The following SH3BP4 variants were observed in gnomAD, a reference collection of about 807,000 sequenced individuals.
SH3BP4 encodes the protein SH3 domain-binding protein 4.
SH3BP4 carries 33 observed loss-of-function variants against 65.5 expected under a neutral mutation model. The ratio of observed to expected loss-of-function variants is 0.50; its 90% confidence interval spans 0.38 to 0.67. SH3BP4 has a LOEUF of 0.67. SH3BP4 is among the 30% of genes least tolerant of loss of function. SH3BP4 has a pLI of 0.00. For synonymous variants in SH3BP4, 552 were observed against 545.5 expected, an observed-to-expected ratio of 1.01 and a Z score of -0.17; for missense variants, 1,134 against 1,261.4, an observed-to-expected ratio of 0.90 and a Z score of 1.53.
chr2:234,983,150 G>A (rs1194444805), intron 1 of SH3BP4: 2 of 152,302 alleles, frequency 1.3e-5, no homozygotes, highest in Non-Finnish European at 2.9e-5. Flanking sequence ...CCTGCCCGCA[G>A]GCCATACAGG....
intron 2 of SH3BP4, among the ~76,000 whole-genome samples, chr2:235,006,919 C>T (rs1694314338): frequency 2.0e-5 from 3 of 152,058 alleles, no homozygotes; most frequent in Admixed American, 1.3e-4. Flanking sequence ...GGTGCCACGC[C>T]GCATCTGTGT....
chr2:235,005,880 C>G (rs1205019772), intron 2 of SH3BP4, among the ~76,000 whole-genome samples: 1 of 151,866 alleles, frequency 6.6e-6, no homozygotes, highest in African/African-American at 2.4e-5. Context: ...GGCAGGCTGG[C>G]TTGGTTGGGT....
At chr2:234,969,457 A>C (rs1692923171) in intron 1 of SH3BP4, among the ~76,000 whole-genome samples, 1 of 152,050 alleles carries the variant, frequency 6.6e-6, no homozygotes, top group Non-Finnish European at 1.5e-5. Flanking sequence ...CTGGGAGGCC[A>C]CCCTTGTTCC....
rs1044937029 is a variant in SH3BP4, at chr2:234,976,783, C to A, written c.-206-18520C>A. On this transcript the variant is annotated intron_variant, in intron 1 of 5. Transcript: ENST00000392011. The surrounding 1 kb of genome is among the most constrained non-coding windows in gnomAD (Gnocchi z 4.7). ...CAGCCGAGGGGCGTCTTACAGAATACCTAACCAGGCCTCCTCTACTGTCAA... is the reference window on the plus strand; with the variant it reads ...CAGCCGAGGGGCGTCTTACAGAATAACTAACCAGGCCTCCTCTACTGTCAA... Among the ~76,000 whole-genome samples, 1 of 152,084 alleles carries A rather than the reference C, an allele frequency of 6.6e-6. No homozygotes were observed. The highest frequency in any genetic ancestry group is 2.1e-4 in the South Asian group (1 of 4,828).
intron 1 of SH3BP4, among the ~76,000 whole-genome samples, chr2:234,973,085 C>T (rs930519847): frequency 1.3e-5 from 2 of 152,136 alleles, no homozygotes; most frequent in African/African-American, 2.4e-5. Flanking sequence ...AATAGAGCCT[C>T]GGAAAGAAAT....
At chr2:234,965,184 A>G (rs1029489780) in intron 1 of SH3BP4, among the ~76,000 whole-genome samples, 1 of 152,226 alleles carries the variant, frequency 6.6e-6, no homozygotes, top group African/African-American at 2.4e-5. Flanking sequence ...TCCCAGAGAG[A>G]AAAAAGGTAA....
intron 2 of SH3BP4, among the ~76,000 whole-genome samples, chr2:235,017,786 G>A (rs1694736517): frequency 1.3e-5 from 2 of 152,282 alleles, no homozygotes; most frequent in South Asian, 4.1e-4. Context: ...CAGGAAATTA[G>A]AGGCAGTGCC....
At chr2:234,992,705 C>G (rs761664033) in intron 1 of SH3BP4, among the ~76,000 whole-genome samples, 1 of 143,648 alleles carries the variant, frequency 7.0e-6, no homozygotes, top group African/African-American at 2.6e-5. Flanking sequence ...ATTCCTGCTG[C>G]GTGGCTCTGG....
At chr2:235,029,141 G>C (rs894310366) in intron 2 of SH3BP4, among the ~76,000 whole-genome samples, 1 of 152,256 alleles carries the variant, frequency 6.6e-6, no homozygotes, top group African/African-American at 2.4e-5. Context: ...GATGACGGTG[G>C]TGTGGATGTG....
At chr2:235,027,802 G>A (rs1409883531) in intron 2 of SH3BP4, among the ~76,000 whole-genome samples, 4 of 152,190 alleles carry the variant, frequency 2.6e-5, no homozygotes, top group African/African-American at 7.2e-5. Flanking sequence ...CAGTCTGTGC[G>A]CTCAGCCTGA....
chr2:235,023,030 T>C (rs1694892225), intron 2 of SH3BP4, among the ~76,000 whole-genome samples: 1 of 152,158 alleles, frequency 6.6e-6, no homozygotes, highest in Non-Finnish European at 1.5e-5. Context: ...AGGTGTACCT[T>C]TATTTTCATG....
At chr2:235,031,618 C>T (rs1188346101) in intron 2 of SH3BP4, among the ~76,000 whole-genome samples, 1 of 152,216 alleles carries the variant, frequency 6.6e-6, no homozygotes, top group Non-Finnish European at 1.5e-5. Flanking sequence ...CCACCACAGC[C>T]CCTCCATCCC....
chr2:235,014,110 C>A (rs1290550979), intron 2 of SH3BP4, among the ~76,000 whole-genome samples: 2 of 152,004 alleles, frequency 1.3e-5, no homozygotes, highest in Admixed American at 1.3e-4. Flanking sequence ...AAAAGAAATG[C>A]CTTTGCGTGG....
intron 2 of SH3BP4, among the ~76,000 whole-genome samples, chr2:235,021,078 A>G (rs1204318615): frequency 1.3e-5 from 2 of 152,200 alleles, no homozygotes; most frequent in East Asian, 1.9e-4. Context: ...CAGAGAATAT[A>G]TGGCCCCACA....
At chr2:234,988,187 G>A (rs1395628018) in intron 1 of SH3BP4, among the ~76,000 whole-genome samples, 1 of 152,102 alleles carries the variant, frequency 6.6e-6, no homozygotes, top group Non-Finnish European at 1.5e-5. Context: ...AGCCTCCCAA[G>A]TAGCTGGGAC....
At position 235,000,191 on chromosome 2, in the gene SH3BP4, G is replaced by A. The variant is rs111794391; in HGVS notation, c.-133+4815G>A. ...TATCCTCGGCTGGGCTTCTCTGCAG[G>A]CTCCCTCCCTCCTTCCCTTCTTCCT... is the stretch of plus-strand genomic sequence containing the variant. On this transcript the variant is annotated intron_variant, in intron 2 of 5. Coordinates refer to ENST00000392011, the MANE Select transcript of SH3BP4 (RefSeq NM_014521.3). Among the ~76,000 whole-genome samples the A allele has an allele frequency of 4.5e-3, 690 of 152,282 alleles. 8 individuals carry two copies. Among genetic ancestry groups the A allele is most frequent in the African/African-American group, 0.016 (667 of 41,554 alleles).
At position 235,026,895 on chromosome 2, in the gene SH3BP4, C is replaced by T. The variant is rs934915204; in HGVS notation, c.-132-7976C>T. ...TTCCGATGGGCCTTGCTGTTTTCTC[C>T]CCCAGGAAGAGGCAGCCCGCCCGAG... is the stretch of plus-strand genomic sequence containing the variant. On this transcript the variant is annotated intron_variant, in intron 2 of 5. Transcript: ENST00000392011. This position sits in a 1 kb window ranked among gnomAD's most constrained non-coding sequence, Gnocchi z 4.6. 2.0e-5 allele frequency among the ~76,000 whole-genome samples: 3 copies of T among 152,172 alleles called. No individual in the cohort carries two copies. The highest frequency in any genetic ancestry group is 1.3e-4 in the Admixed American group (2 of 15,282).
chr2:234,965,520 C>T (rs896211757), intron 1 of SH3BP4, among the ~76,000 whole-genome samples: 1 of 152,196 alleles, frequency 6.6e-6, no homozygotes, highest in Admixed American at 6.5e-5. Flanking sequence ...ATAGGAAAAC[C>T]GGCTGTCCTC....
chr2:234,984,065 C>T lies in SH3BP4; in HGVS notation c.-206-11238C>T, dbSNP rs570548428. Among the ~76,000 whole-genome samples the T allele has an allele frequency of 3.3e-5, 5 of 152,340 alleles. No homozygotes were observed. In the South Asian group the frequency reaches 8.3e-4, roughly 25 times the overall value. On this transcript the variant is annotated intron_variant, in intron 1 of 5. Transcript: ENST00000392011. ...GCCATCTGAGGTTGGGGCTGGGCTT[C>T]CCTGCTGACACGTGGGCTGGGGCCA...
Sources: allele counts gnomAD v4.1 joint callset (sites outside exome capture counted in the v4.1 genomes callset), GRCh38; gene constraint gnomAD v4.1.1; non-coding constraint Gnocchi (gnomAD v3.1); transcripts MANE v1.5; gene names NCBI Gene and HGNC (gene_info 2026-07-23, HGNC 2026-07-21).